Variants in SPMAP2L observed in about 807,000 individuals in gnomAD.
SPMAP2L encodes the protein sperm microtubule associated protein 2 like, also known as sperm microtubule associated protein 2-like.
At chr4:56,586,742 A>C in the SPMAP2L span, among the ~76,000 whole-genome samples, 1 of 152,226 alleles carries the variant, frequency 6.6e-6, no homozygotes, top group Non-Finnish European at 1.5e-5. Flanking sequence ...TTGAGAGAAC[A>C]GGTGGAAGCT....
chr4:56,593,319 C>G, the SPMAP2L span: 1 of 1,142,390 alleles, frequency 8.8e-7, no homozygotes, highest in Middle Eastern at 2.0e-4. Context: ...TTTTTGTTGA[C>G]CCCCATTGCC....
the SPMAP2L span, among the ~76,000 whole-genome samples, chr4:56,603,984 C>T: frequency 6.6e-6 from 1 of 152,138 alleles, no homozygotes; most frequent in Admixed American, 6.6e-5. Context: ...TGTAAAATTG[C>T]ATCTGCCCAG....
At chr4:56,560,419 C>T in the SPMAP2L span, among the ~76,000 whole-genome samples, 1 of 152,194 alleles carries the variant, frequency 6.6e-6, no homozygotes, top group African/African-American at 2.4e-5. Context: ...GCTTCTTTCT[C>T]TTCCTGCTCT....
At chr4:56,615,661 T>C in the SPMAP2L span, among the ~76,000 whole-genome samples, 701 of 152,116 alleles carry the variant, frequency 4.6e-3, 4 homozygotes, top group African/African-American at 0.016. Context: ...GGCAGGAGAA[T>C]TGCTTGGACC....
chr4:56,566,993 C>T, the SPMAP2L span, among the ~76,000 whole-genome samples: 1 of 152,068 alleles, frequency 6.6e-6, no homozygotes, highest in Non-Finnish European at 1.5e-5. Flanking sequence ...CTGTGCCTGG[C>T]CTAGTGTAAG....
chr4:56,575,698 G>T, the SPMAP2L span: 1 of 1,495,754 alleles, frequency 6.7e-7, no homozygotes, highest in East Asian at 2.5e-5. Context: ...AGATGTCTTA[G>T]TATTTTTGTT....
the SPMAP2L span, chr4:56,594,637 G>A: frequency 7.3e-7 from 1 of 1,365,952 alleles, no homozygotes; most frequent in Middle Eastern, 1.8e-4. Context: ...GTGCCCACAT[G>A]GCAGGCATGA....
the SPMAP2L span, among the ~76,000 whole-genome samples, chr4:56,617,682 C>T: frequency 1.3e-5 from 2 of 151,686 alleles, no homozygotes; most frequent in African/African-American, 4.9e-5. Context: ...CTTGTGTTAA[C>T]GAGCTCATTT....
the SPMAP2L span, among the ~76,000 whole-genome samples, chr4:56,563,475 T>C: frequency 4.6e-5 from 7 of 151,982 alleles, no homozygotes; most frequent in African/African-American, 1.7e-4. Context: ...TTAAGCTTTC[T>C]GCTAAGTTAG....
At chr4:56,581,899 G>A in the SPMAP2L span, among the ~76,000 whole-genome samples, 516 of 152,214 alleles carry the variant, frequency 3.4e-3, 1 homozygote, top group African/African-American at 0.012. Context: ...TTTGGCAAGA[G>A]TGTCAAGATA....
chr4:56,594,115 G>C, the SPMAP2L span: 3 of 1,608,320 alleles, frequency 1.9e-6, no homozygotes, highest in Non-Finnish European at 2.6e-6. Flanking sequence ...ATTTGTTGCG[G>C]ATCTTTGTTT....
chr4:56,595,114 A>T, the SPMAP2L span: 1 of 1,611,490 alleles, frequency 6.2e-7, no homozygotes, highest in East Asian at 2.2e-5. Flanking sequence ...TTATATCAAG[A>T]TGATGGGAGG....
chr4:56,610,982 T>C, the SPMAP2L span, among the ~76,000 whole-genome samples: 2 of 152,212 alleles, frequency 1.3e-5, no homozygotes, highest in African/African-American at 2.4e-5. Context: ...GGAACACTTC[T>C]ACATTGCTCA....
At chr4:56,596,295 G>A in the SPMAP2L span, among the ~76,000 whole-genome samples, 3 of 152,146 alleles carry the variant, frequency 2.0e-5, no homozygotes, top group Non-Finnish European at 2.9e-5. Flanking sequence ...AAAAAGAAAA[G>A]CTACATCGGA....
At chr4:56,565,565 T>A in the SPMAP2L span, among the ~76,000 whole-genome samples, 4 of 152,208 alleles carry the variant, frequency 2.6e-5, no homozygotes, top group African/African-American at 9.6e-5. Context: ...GTCCCCTTTC[T>A]GTACTCCCAT....
At chr4:56,576,307 G>A in the SPMAP2L span, among the ~76,000 whole-genome samples, 6 of 152,092 alleles carry the variant, frequency 3.9e-5, no homozygotes, top group East Asian at 9.6e-4. Flanking sequence ...GAAATGACAT[G>A]TTTAGTTTAA....
chr4:56,547,318 T>A, the SPMAP2L span, among the ~76,000 whole-genome samples: 3 of 151,244 alleles, frequency 2.0e-5, no homozygotes, highest in African/African-American at 2.4e-5. Flanking sequence ...CAATCTTGGC[T>A]CACTGCAACC....
the SPMAP2L span, chr4:56,596,703 A>C: frequency 7.2e-7 from 1 of 1,383,462 alleles, no homozygotes; most frequent in Non-Finnish European, 9.3e-7. Flanking sequence ...TTGCCTCTAC[A>C]GGGCATAGCC....
the SPMAP2L span, among the ~76,000 whole-genome samples, chr4:56,608,476 G>A: frequency 6.6e-6 from 1 of 152,120 alleles, no homozygotes. Flanking sequence ...GATCTTCAAG[G>A]CTGCCACTCC....
Sources: gnomAD v4.1 joint callset for allele counts (sites outside exome capture counted in the v4.1 genomes callset) on GRCh38, gnomAD v4.1.1 for gene constraint, MANE v1.5 for transcripts, NCBI Gene and HGNC (gene_info 2026-07-23, HGNC 2026-07-21) for gene names.